ZC3H12C: variants seen among roughly 807,000 people sequenced by gnomAD.
The protein encoded by ZC3H12C is zinc finger CCCH-type containing 12C.
In ZC3H12C, 20 loss-of-function variants were observed where a neutral mutation model predicts 76.3. The observed-to-expected ratio is 0.26, with a 90% CI of 0.18 to 0.38. The LOEUF is 0.38. ZC3H12C is among the 10% of genes least tolerant of loss of function. ZC3H12C has a pLI of 1.00. For missense variants in ZC3H12C, 874 were observed against 1,086.5 expected (o/e 0.80, Z 2.75); for synonymous variants, 352 against 399.6 (o/e 0.88, Z 1.42).
At position 110,168,933 on chromosome 11, in the gene ZC3H12C, ATC is replaced by A. The variant is rs1299777764; in HGVS notation, c.*3198_*3199del. The A allele has an allele frequency of 6.6e-6, 1 of 152,182 alleles. No individual in the cohort carries two copies. The highest frequency in any genetic ancestry group is 2.4e-5 in the African/African-American group (1 of 41,450). The allele number at this position is 152,182 out of a possible 1,614,324, so 9.4% of individuals were successfully genotyped here. On this transcript the variant is annotated 3_prime_UTR_variant, in exon 6 of 6. Coordinates refer to ENST00000278590, the MANE Select transcript of ZC3H12C (RefSeq NM_033390.2). Reference sequence around the variant, plus strand: ...TATAACTGAAGAGTATTTTATGTATATCTATATACACAAATATGTATTTGTTA... The same window carrying A: ...TATAACTGAAGAGTATTTTATGTATATATATACACAAATATGTATTTGTTA...
At position 110,165,237 on chromosome 11, in the gene ZC3H12C, C is replaced by T; in HGVS notation, c.2152C>T (p.Arg718Trp). 1 of 1,613,978 alleles carries T rather than the reference C, an allele frequency of 6.2e-7. No individual in the cohort carries two copies. Among genetic ancestry groups the T allele is most frequent in the South Asian group, 1.1e-5 (1 of 91,078 alleles). Reference sequence around the variant, plus strand: ...CCTGCCGCACTCCGCTGTGGGCGCCCGGTCCAGCTGTCCTGGCGACTACCC... The same window carrying T: ...CCTGCCGCACTCCGCTGTGGGCGCCTGGTCCAGCTGTCCTGGCGACTACCC... ...LHLPHSAVGARSSCPGDYPSP... is the reference protein window; with the variant it reads ...LHLPHSAVGAWSSCPGDYPSP... The change falls in exon 6 of 6, where the codon CGG (arginine) becomes TGG (tryptophan). Residue 718 changes from arginine to tryptophan, a missense_variant. This residue lies in a region of ZC3H12C where 395 missense variants were observed against 434.4 expected (regional missense o/e 0.91). Coordinates refer to ENST00000278590, the MANE Select transcript of ZC3H12C (RefSeq NM_033390.2).
chr11:110,144,251 A>G (rs1862121724), intron 2 of ZC3H12C, among the ~76,000 whole-genome samples: 1 of 152,126 alleles, frequency 6.6e-6, no homozygotes, highest in African/African-American at 2.4e-5. Context: ...GCTTTTTTCC[A>G]TTTTCTAAAT....
At chr11:110,129,953 C>T (rs574660109) in intron 1 of ZC3H12C, among the ~76,000 whole-genome samples, 2 of 152,014 alleles carry the variant, frequency 1.3e-5, no homozygotes, top group South Asian at 2.1e-4. Flanking sequence ...AGTTTACTCA[C>T]GAAAGGGGCT....
At chr11:110,103,524 G>T (rs1861257691) in intron 1 of ZC3H12C, among the ~76,000 whole-genome samples, 1 of 151,998 alleles carries the variant, frequency 6.6e-6, no homozygotes, top group Admixed American at 6.6e-5. Flanking sequence ...AACTGTATTG[G>T]GTATGTACTG....
Position 110,170,154 on chromosome 11 carries a change from C to T in ZC3H12C, c.*4417C>T, listed in dbSNP as rs1862650537. Reference sequence around the variant, plus strand: ...TCTTAATTCATTTGAGTTTTCTTACCTGTTTACACCCATTATTTATTAGAG... The same window carrying T: ...TCTTAATTCATTTGAGTTTTCTTACTTGTTTACACCCATTATTTATTAGAG... On this transcript the variant is annotated 3_prime_UTR_variant, in exon 6 of 6. Transcript: ENST00000278590. The T allele has an allele frequency of 6.6e-6, 1 of 152,076 alleles. No individual in the cohort carries two copies. The allele number at this position is 152,076 out of a possible 1,614,324, so 9.4% of individuals were successfully genotyped here.
intron 2 of ZC3H12C, among the ~76,000 whole-genome samples, chr11:110,150,145 T>C (rs1221264662): frequency 2.6e-5 from 4 of 152,158 alleles, no homozygotes; most frequent in Non-Finnish European, 5.9e-5. Context: ...TGTCACCTTA[T>C]TGCTGGCCTT....
intron 1 of ZC3H12C, among the ~76,000 whole-genome samples, chr11:110,116,286 C>A (rs1040292322): frequency 1.3e-5 from 2 of 150,852 alleles, no homozygotes; most frequent in Non-Finnish European, 2.9e-5. Flanking sequence ...TTAATCCCAG[C>A]ACTTTAATCT....
intron 1 of ZC3H12C, among the ~76,000 whole-genome samples, chr11:110,132,704 G>A (rs1177112011): frequency 6.6e-6 from 1 of 152,046 alleles, no homozygotes; most frequent in Non-Finnish European, 1.5e-5. Context: ...ATAACTATGG[G>A]AGTAAAAACT....
chr11:110,108,744 CTTGG>C (rs1861376777), intron 1 of ZC3H12C, among the ~76,000 whole-genome samples: 1 of 152,210 alleles, frequency 6.6e-6, no homozygotes, highest in South Asian at 2.1e-4. Context: ...GACAGCTCCA[CTTGG>C]ATAGCTATTG....
At chr11:110,120,077 C>G (rs1366528139) in intron 1 of ZC3H12C, among the ~76,000 whole-genome samples, 1 of 152,120 alleles carries the variant, frequency 6.6e-6, no homozygotes, top group African/African-American at 2.4e-5. Context: ...TTTAAATTCT[C>G]TCCCCTGCCT....
chr11:110,140,322 C>T (rs374786404), intron 2 of ZC3H12C, among the ~76,000 whole-genome samples: 2 of 152,176 alleles, frequency 1.3e-5, no homozygotes, highest in South Asian at 4.1e-4. Flanking sequence ...GCGAGCTATC[C>T]AGAGTGGGAA....
chr11:110,121,691 A>T (rs1861653754), intron 1 of ZC3H12C, among the ~76,000 whole-genome samples: 1 of 152,138 alleles, frequency 6.6e-6, no homozygotes, highest in African/African-American at 2.4e-5. Flanking sequence ...GGCCATTGGA[A>T]ATTATAACTC....
In ZC3H12C at chr11:110,171,713, C is replaced by G. The variant is rs775759601; in HGVS notation, c.*5976C>G. 4 of 152,160 alleles carry G rather than the reference C, an allele frequency of 2.6e-5. No homozygotes were observed. The highest frequency in any genetic ancestry group is 2.9e-5 in the Non-Finnish European group (2 of 68,038). The allele number at this position is 152,160 out of a possible 1,614,324, so 9.4% of individuals were successfully genotyped here. On this transcript the variant is annotated 3_prime_UTR_variant, in exon 6 of 6. Coordinates refer to ENST00000278590, the MANE Select transcript of ZC3H12C (RefSeq NM_033390.2). ...AAAAGCATCATACTTCTCTAGTTTG[C>G]CTGCATTCAGTGGCTAACATTATGA...
At chr11:110,141,472 T>C (rs1862066593) in intron 2 of ZC3H12C, among the ~76,000 whole-genome samples, 3 of 152,198 alleles carry the variant, frequency 2.0e-5, no homozygotes, top group Non-Finnish European at 4.4e-5. Flanking sequence ...TACTGAAGGC[T>C]TTCTTGCCTA....
intron 1 of ZC3H12C, among the ~76,000 whole-genome samples, chr11:110,096,029 T>G (rs1324683556): frequency 5.9e-5 from 9 of 152,234 alleles, no homozygotes; most frequent in African/African-American, 2.2e-4. Context: ...GCTTCTTGTG[T>G]TTTAAGTGCT....
At position 110,136,870 on chromosome 11, in the gene ZC3H12C, G is replaced by A. The variant is rs1473251434; in HGVS notation, c.229G>A (p.Glu77Lys). Residue 77 changes from glutamate (E) to lysine (K), a missense_variant, in exon 2 of 6, where the codon GAA (glutamate) becomes AAA (lysine). This residue lies in a region of ZC3H12C where 210 missense variants were observed against 227.1 expected (regional missense o/e 0.92). Transcript: ENST00000278590. ...SMDTVNVGKD[E>K]KEASEENASS... The stretch of plus-strand genomic sequence containing the variant: ...GGATACCGTTAATGTGGGGAAGGAT[G>A]AAAAAGAGGCGTCTGAAGAGAATGC... The A allele has an allele frequency of 9.3e-6, 15 of 1,613,850 alleles. No individual in the cohort carries two copies. Among genetic ancestry groups the A allele is most frequent in the Non-Finnish European group, 1.1e-5 (13 of 1,179,858 alleles).
intron 1 of ZC3H12C, among the ~76,000 whole-genome samples, chr11:110,118,671 C>T (rs1163034608): frequency 6.6e-6 from 1 of 152,090 alleles, no homozygotes; most frequent in Non-Finnish European, 1.5e-5. Flanking sequence ...GTAGCACATA[C>T]CTGTAATCCC....
intron 1 of ZC3H12C, among the ~76,000 whole-genome samples, chr11:110,102,600 T>A (rs1011595220): frequency 6.6e-6 from 1 of 152,162 alleles, no homozygotes; most frequent in Non-Finnish European, 1.5e-5. Flanking sequence ...TTTCAAAAAT[T>A]CAACCTAGTT....
intron 2 of ZC3H12C, among the ~76,000 whole-genome samples, chr11:110,144,503 G>A (rs530358742): frequency 2.5e-4 from 38 of 152,142 alleles, no homozygotes; most frequent in Non-Finnish European, 4.7e-4. Context: ...TGTTATTTTC[G>A]GTATCTTCAA....
Sources: allele counts gnomAD v4.1 joint callset (sites outside exome capture counted in the v4.1 genomes callset), GRCh38; gene constraint gnomAD v4.1.1; regional missense constraint gnomAD v4.1.1; transcripts MANE v1.5; gene names NCBI Gene and HGNC (gene_info 2026-07-23, HGNC 2026-07-21).